ABCB5: variants seen among roughly 807,000 people sequenced by gnomAD.
ABCB5 encodes the protein ATP-binding cassette sub-family B member 5.
ABCB5 carries 155 observed loss-of-function variants against 144.2 expected under a neutral mutation model. The ratio of observed to expected loss-of-function variants is 1.08; its 90% CI spans 0.94 to 1.23. ABCB5 has a LOEUF of 1.23. Ranked by LOEUF, ABCB5 falls within the 50% of genes most tolerant of loss-of-function variation. The pLI, the probability that ABCB5 is intolerant of heterozygous loss-of-function variation, is 0.00. For synonymous variants in ABCB5, 610 were observed against 528.6 expected, an observed-to-expected ratio of 1.15 and a Z score of -2.11; for missense variants, 1,830 against 1,520.8, an observed-to-expected ratio of 1.20 and a Z score of -3.38.
intron 13 of ABCB5, among the ~76,000 whole-genome samples, chr7:20,657,255 G>T (rs1027046326): frequency 1.3e-5 from 2 of 152,198 alleles, no homozygotes; most frequent in South Asian, 4.1e-4. Flanking sequence ...TGGATTCCCA[G>T]TTAAATTTGA....
At chr7:20,695,899 C>T (rs1388963247) in intron 16 of ABCB5, among the ~76,000 whole-genome samples, 2 of 151,838 alleles carry the variant, frequency 1.3e-5, no homozygotes, top group African/African-American at 4.8e-5. Flanking sequence ...ATGGTTAAAT[C>T]TAAAGAGACT....
At chr7:20,753,813 C>G (rs1263493981) in intron 27 of ABCB5, among the ~76,000 whole-genome samples, 1 of 152,140 alleles carries the variant, frequency 6.6e-6, no homozygotes, top group African/African-American at 2.4e-5. Flanking sequence ...AGAAAAATAA[C>G]TTTTCAATTT....
At chr7:20,698,196 A>T (rs571074507) in intron 16 of ABCB5, among the ~76,000 whole-genome samples, 1,922 of 152,340 alleles carry the variant, frequency 0.013, 39 homozygotes, top group African/African-American at 0.043. Flanking sequence ...ATATTGCACA[A>T]ATAGTCACTT....
intron 25 of ABCB5, among the ~76,000 whole-genome samples, chr7:20,743,881 C>T (rs889208145): frequency 2.0e-5 from 3 of 152,034 alleles, no homozygotes; most frequent in Admixed American, 1.3e-4. Flanking sequence ...CTCATCTATT[C>T]GCACATAGCA....
At chr7:20,699,705 T>C in intron 17 of ABCB5, 120 bp from the exon 18 acceptor site, 1 of 651,922 alleles carries the variant, frequency 1.5e-6, no homozygotes, top group South Asian at 2.1e-5. Context: ...AGATTCTGTC[T>C]CATAAAAGAA....
intron 14 of ABCB5, among the ~76,000 whole-genome samples, chr7:20,665,754 G>A (rs1424658580): frequency 5.7e-5 from 8 of 139,966 alleles, no homozygotes; most frequent in Non-Finnish European, 9.3e-5. Context: ...TAGATAGATA[G>A]ATAGATAGAT....
chr7:20,684,701 GGAATGCCT>G (rs1306212611), intron 15 of ABCB5, among the ~76,000 whole-genome samples: 1 of 152,174 alleles, frequency 6.6e-6, no homozygotes, highest in Non-Finnish European at 1.5e-5. Flanking sequence ...ATAGCAAAAA[GGAATGCCT>G]GATTAAAGAT....
intron 14 of ABCB5, among the ~76,000 whole-genome samples, chr7:20,681,201 A>T (rs1182649622): frequency 1.3e-5 from 2 of 150,728 alleles, no homozygotes; most frequent in African/African-American, 4.9e-5. Context: ...ACCTTGGCTC[A>T]CTGCAACCTC....
chr7:20,699,236 A>T (rs1786524479), intron 17 of ABCB5, among the ~76,000 whole-genome samples: 1 of 152,210 alleles, frequency 6.6e-6, no homozygotes, highest in Non-Finnish European at 1.5e-5. Context: ...TTTCTTGGGA[A>T]ATATACTGTG....
chr7:20,638,054 G>A (rs960004594), intron 5 of ABCB5, among the ~76,000 whole-genome samples: 6 of 152,136 alleles, frequency 3.9e-5, no homozygotes, highest in African/African-American at 1.4e-4. Context: ...AATAAGTAGA[G>A]TCCTTCCATG....
intron 2 of ABCB5, among the ~76,000 whole-genome samples, chr7:20,624,424 C>T (rs76810225): frequency 6.6e-6 from 1 of 152,132 alleles, no homozygotes; most frequent in Non-Finnish European, 1.5e-5. Context: ...ACCAAAAAAA[C>T]TAACAGGTCA....
chr7:20,692,737 TA>T lies in ABCB5; in HGVS notation c.2011-5667del, dbSNP rs1266401529. 3.3e-5 allele frequency among the ~76,000 whole-genome samples: 5 copies of T among 152,044 alleles called. No homozygotes were observed. The East Asian group carries it at 9.6e-4, about 29-fold the overall frequency. On this transcript the variant is annotated intron_variant, in intron 16 of 27. Transcript: ENST00000404938. ...AGCCAAAACACTGGGAAAAAGAAAC[TA>T]AAGTATTATATTTTAAGGTTCCTAA...
At chr7:20,673,766 T>A (rs951404731) in intron 14 of ABCB5, among the ~76,000 whole-genome samples, 22 of 152,038 alleles carry the variant, frequency 1.4e-4, no homozygotes, top group Non-Finnish European at 7.4e-5. Flanking sequence ...TTTAATCTGA[T>A]GATTGATAGT....
chr7:20,670,466 C>T lies in ABCB5; in HGVS notation c.1708-11039C>T, dbSNP rs184128492. Among the ~76,000 whole-genome samples the T allele has an allele frequency of 9.2e-5, 14 of 151,958 alleles. No homozygotes were observed. The East Asian group carries it at 2.7e-3, about 29-fold the overall frequency. ...TGAGCCCCAAATCCAACTGAGGCAA[C>T]CTTCTGGAAGGCAGTGAGTGGGAAC... On this transcript the variant is annotated intron_variant, in intron 14 of 27. Transcript: ENST00000404938.
chr7:20,685,444 A>G (rs1436991817), intron 15 of ABCB5, among the ~76,000 whole-genome samples: 1 of 152,188 alleles, frequency 6.6e-6, no homozygotes, highest in Non-Finnish European at 1.5e-5. Context: ...GGATTAAGGC[A>G]TTGTTTTCTG....
At chr7:20,665,764 T>G (rs1978099) in intron 14 of ABCB5, among the ~76,000 whole-genome samples, 14,374 of 128,572 alleles carry the variant, frequency 0.11, 905 homozygotes, top group Middle Eastern at 0.23. Flanking sequence ...GATAGATAGA[T>G]AGAGATACAT....
At chr7:20,706,500 G>A (rs1292668185) in intron 20 of ABCB5, among the ~76,000 whole-genome samples, 1 of 152,126 alleles carries the variant, frequency 6.6e-6, no homozygotes, top group Admixed American at 6.5e-5. Context: ...TGTCCCTGAG[G>A]GAAATTACGG....
At position 20,628,709 on chromosome 7, in the gene ABCB5, G is replaced by T. The variant is rs747677706; in HGVS notation, c.130G>T (p.Asp44Tyr). 26 of 1,613,070 alleles carry T rather than the reference G, an allele frequency of 1.6e-5. No homozygotes were observed. In the South Asian group the frequency reaches 2.5e-4, roughly 16 times the overall value. The change falls in exon 4 of 28, where the codon GAC becomes TAC. Residue 44 changes from aspartate to tyrosine, a missense_variant. Physicochemically the swap from Asp to Tyr is radical, Grantham distance 160 (BLOSUM62 -3). Coordinates refer to ENST00000404938, the MANE Select transcript of ABCB5 (RefSeq NM_001163941.2). ...TCAGTTCCGCTTTGCTGATGGACTG[G>T]ACATCACACTCATGATCCTGGGTAT... is the stretch of plus-strand genomic sequence containing the variant. ...IEIFRFADGL[D>Y]ITLMILGILA...
intron 9 of ABCB5, 89 bp downstream of exon 9, chr7:20,646,227 A>G (rs1356238283): frequency 2.7e-5 from 34 of 1,246,136 alleles, no homozygotes; most frequent in Non-Finnish European, 3.6e-5. Flanking sequence ...ATAAATATTC[A>G]AAGATGGATG....
Sources: gnomAD v4.1 joint callset for allele counts (sites outside exome capture counted in the v4.1 genomes callset) on GRCh38, gnomAD v4.1.1 for gene constraint, MANE v1.5 for transcripts, NCBI Gene and HGNC (gene_info 2026-07-23, HGNC 2026-07-21) for gene names.